The following KSR2 variants were observed in gnomAD, a reference collection of about 807,000 sequenced individuals.
KSR2 encodes the protein kinase suppressor of ras 2.
KSR2 carries 25 observed loss-of-function variants against 107.8 expected under a neutral mutation model. The ratio of observed to expected loss-of-function variants is 0.23; its 90% CI spans 0.17 to 0.32. The LOEUF (loss-of-function observed/expected upper bound fraction) is 0.32. KSR2 is among the 10% of genes least tolerant of loss of function. KSR2 has a pLI of 1.00. For synonymous variants in KSR2, 480 were observed against 507.0 expected (o/e 0.95, Z 0.71); for missense variants, 887 against 1,268.9 (o/e 0.70, Z 4.57).
At chr12:117,723,733 G>C (rs938603696) in intron 4 of KSR2, among the ~76,000 whole-genome samples, 2 of 151,912 alleles carry the variant, frequency 1.3e-5, no homozygotes, top group African/African-American at 4.8e-5. Context: ...CTGTCACTGG[G>C]GGAAAGTTGG....
intron 14 of KSR2, among the ~76,000 whole-genome samples, chr12:117,503,943 T>C (rs1222637542): frequency 6.6e-6 from 1 of 152,216 alleles, no homozygotes; most frequent in Non-Finnish European, 1.5e-5. Flanking sequence ...TTCCTTTGTG[T>C]TGAAAAAACG....
chr12:117,806,310 G>A (rs900219609), intron 3 of KSR2, among the ~76,000 whole-genome samples: 1 of 152,156 alleles, frequency 6.6e-6, no homozygotes, highest in East Asian at 1.9e-4. Flanking sequence ...GTACCCAGAC[G>A]CCACCCCAGC....
At chr12:117,529,399 AT>A (rs1235719956) in intron 12 of KSR2, among the ~76,000 whole-genome samples, 1 of 152,048 alleles carries the variant, frequency 6.6e-6, no homozygotes, top group Non-Finnish European at 1.5e-5. Flanking sequence ...TATTTTTAAT[AT>A]AGACGGGGTT....
intron 14 of KSR2, among the ~76,000 whole-genome samples, chr12:117,501,237 C>T (rs984645824): frequency 4.6e-5 from 7 of 152,218 alleles, no homozygotes; most frequent in African/African-American, 1.7e-4. Flanking sequence ...AAATTGTCTA[C>T]AGCTGTTTTC....
chr12:117,607,916 G>A (rs188348170), intron 5 of KSR2, among the ~76,000 whole-genome samples: 27 of 152,304 alleles, frequency 1.8e-4, no homozygotes, highest in African/African-American at 3.8e-4. Flanking sequence ...CCACTGAAGC[G>A]TGAGCAGCGG....
intron 3 of KSR2, among the ~76,000 whole-genome samples, chr12:117,844,504 A>C (rs1355781156): frequency 1.3e-5 from 2 of 150,882 alleles, no homozygotes; most frequent in African/African-American, 4.9e-5. Flanking sequence ...TTAACTCACA[A>C]GTTTTTTAAA....
At chr12:117,534,014 A>G (rs538265598) in intron 10 of KSR2, among the ~76,000 whole-genome samples, 1 of 152,220 alleles carries the variant, frequency 6.6e-6, no homozygotes, top group East Asian at 1.9e-4. Context: ...CTAAAGAACA[A>G]CTGGTGACCT....
intron 5 of KSR2, among the ~76,000 whole-genome samples, chr12:117,604,388 CT>C (rs910207349): frequency 6.6e-6 from 1 of 152,166 alleles, no homozygotes. Flanking sequence ...AAAAGACAAT[CT>C]GTTTTCAATT....
chr12:117,857,824 A>G (rs1176668726), intron 2 of KSR2, among the ~76,000 whole-genome samples: 1 of 152,172 alleles, frequency 6.6e-6, no homozygotes, highest in Admixed American at 6.6e-5. Context: ...TTTACTGTGG[A>G]GCTTTCTCCA....
At chr12:117,544,916 G>A (rs1014799184) in intron 9 of KSR2, among the ~76,000 whole-genome samples, 1 of 152,194 alleles carries the variant, frequency 6.6e-6, no homozygotes, top group Non-Finnish European at 1.5e-5. Context: ...CCTAGCTGTA[G>A]AGGAAAACAT....
At chr12:117,591,563 C>T (rs556417522) in intron 5 of KSR2, among the ~76,000 whole-genome samples, 1 of 152,012 alleles carries the variant, frequency 6.6e-6, no homozygotes, top group African/African-American at 2.4e-5. Flanking sequence ...GTGGTGAGGG[C>T]ACTGCACCAA....
intron 5 of KSR2, among the ~76,000 whole-genome samples, chr12:117,595,422 T>TGGCGCAATCTCGGCTCACTGCAAG (rs570191388): frequency 0.041 from 5,559 of 136,332 alleles, 229 homozygotes; most frequent in East Asian, 0.25. Context: ...CGGACTGCAG[T>TGGCGCAATCTCGGCTCACTGCAAG]GGCGCAATCT....
At chr12:117,576,503 A>T (rs1879292697) in intron 7 of KSR2, among the ~76,000 whole-genome samples, 1 of 151,852 alleles carries the variant, frequency 6.6e-6, no homozygotes, top group Admixed American at 6.6e-5. Flanking sequence ...CTTAAAAAAA[A>T]ATTTTTTTTT....
chr12:117,495,487 A>G (rs1872970358), intron 14 of KSR2, among the ~76,000 whole-genome samples: 1 of 152,222 alleles, frequency 6.6e-6, no homozygotes. Flanking sequence ...ATGAAGAGTT[A>G]TAGAGTTCCA....
At chr12:117,857,943 C>T (rs1017147039) in intron 2 of KSR2, among the ~76,000 whole-genome samples, 1 of 152,210 alleles carries the variant, frequency 6.6e-6, no homozygotes, top group Non-Finnish European at 1.5e-5. Context: ...GGTCCCTGGA[C>T]TCAAGATGCT....
chr12:117,659,308 G>A (rs1365058684), intron 5 of KSR2, among the ~76,000 whole-genome samples: 1 of 152,160 alleles, frequency 6.6e-6, no homozygotes, highest in Non-Finnish European at 1.5e-5. Context: ...TGCATGCTGA[G>A]CCCAAACTGT....
At chr12:117,519,769 AGTGTGTGTGTGTGC>A (rs1565881380) in intron 14 of KSR2, among the ~76,000 whole-genome samples, 3 of 150,330 alleles carry the variant, frequency 2.0e-5, no homozygotes, top group South Asian at 2.1e-4. Flanking sequence ...AAGAGGAGCG[AGTGTGTGTGTGTGC>A]GTGTGTGTGT....
intron 14 of KSR2, among the ~76,000 whole-genome samples, chr12:117,502,295 G>A (rs1035415647): frequency 6.6e-6 from 1 of 152,186 alleles, no homozygotes; most frequent in African/African-American, 2.4e-5. Context: ...GCCCATCTAT[G>A]TCTATGTATC....
chr12:117,617,240 C>T lies in KSR2; in HGVS notation c.1172-34881G>A, dbSNP rs147751454. Among the ~76,000 whole-genome samples the T allele has an allele frequency of 8.3e-3, 1,257 of 152,246 alleles. 8 individuals carry two copies. The highest frequency in any genetic ancestry group is 0.051 in the Middle Eastern group (15 of 294). On this transcript the variant is annotated intron_variant, in intron 5 of 19. Transcript: ENST00000339824. The stretch of plus-strand genomic sequence containing the variant: ...TTGCACACATTCTTTTCAGTATTTT[C>T]CATCTTTCCCTCTACTTTTTGTTTC...
Sources: gnomAD v4.1 joint callset for allele counts (sites outside exome capture counted in the v4.1 genomes callset) on GRCh38, gnomAD v4.1.1 for gene constraint, MANE v1.5 for transcripts, NCBI Gene and HGNC (gene_info 2026-07-23, HGNC 2026-07-21) for gene names.